SARDH: variants seen among roughly 807,000 people sequenced by gnomAD.
The protein encoded by SARDH is sarcosine dehydrogenase, also known as sarcosine dehydrogenase, mitochondrial.
SARDH carries 95 observed loss-of-function variants against 109.1 expected under a neutral mutation model. The ratio of observed to expected loss-of-function variants is 0.87; its 90% CI spans 0.74 to 1.03. SARDH has a LOEUF of 1.03. Ranked by LOEUF, SARDH falls within the 50% of genes least tolerant of loss-of-function variation. SARDH has a pLI of 0.00. For synonymous variants in SARDH, 572 were observed against 534.8 expected (o/e 1.07, Z -0.96); for missense variants, 1,267 against 1,287.8 (o/e 0.98, Z 0.25).
At chr9:133,708,160 T>G in intron 11 of SARDH, 127 bp downstream of exon 11, 1 of 1,125,966 alleles carries the variant, frequency 8.9e-7, no homozygotes, top group Middle Eastern at 2.6e-4. Flanking sequence ...ACCTGGGGAA[T>G]GACAGACACC....
chr9:133,722,642 GCTCTCT>G (rs56179331), intron 6 of SARDH, among the ~76,000 whole-genome samples: 6,753 of 145,768 alleles, frequency 0.046, 193 homozygotes, highest in Admixed American at 0.067. Flanking sequence ...AACTACTAGC[GCTCTCT>G]CTCTCTCTCT....
chr9:133,723,707 G>A (rs1284736318), intron 6 of SARDH, among the ~76,000 whole-genome samples: 1 of 152,198 alleles, frequency 6.6e-6, no homozygotes, highest in East Asian at 1.9e-4. Flanking sequence ...AGCTTGCAGT[G>A]AGCAGAGATC....
chr9:133,669,516 G>A (rs1008502809), intron 19 of SARDH, among the ~76,000 whole-genome samples: 8 of 151,596 alleles, frequency 5.3e-5, no homozygotes, highest in Admixed American at 3.3e-4. Flanking sequence ...TCTGATCAGG[G>A]CCTGATCTTC....
rs145683974 is a variant in SARDH, at chr9:133,721,980, G to A, written c.916-2938C>T. Reference sequence around the variant, plus strand: ...AAAATACAAAAATCAGCTGGGTGTCGTGGCACATGCCTGTAATCCCAGCTA... The same window carrying A: ...AAAATACAAAAATCAGCTGGGTGTCATGGCACATGCCTGTAATCCCAGCTA... On this transcript the variant is annotated intron_variant, in intron 6 of 20. Coordinates refer to ENST00000439388, the MANE Select transcript of SARDH (RefSeq NM_001134707.2). Among the ~76,000 whole-genome samples the A allele has an allele frequency of 9.0e-3, 1,371 of 152,240 alleles. 18 individuals are homozygous for A. Among genetic ancestry groups the A allele is most frequent in the African/African-American group, 0.031 (1,274 of 41,544 alleles).
intron 1 of SARDH, 106 bp from the exon 2 acceptor site, chr9:133,734,309 C>T: frequency 1.7e-6 from 1 of 578,586 alleles, no homozygotes; most frequent in Non-Finnish European, 2.7e-6. Context: ...CCAGGGCCTT[C>T]CTCTTGCCAC....
chr9:133,671,273 T>G (rs1272459462), intron 18 of SARDH, among the ~76,000 whole-genome samples: 1 of 152,062 alleles, frequency 6.6e-6, no homozygotes, highest in Non-Finnish European at 1.5e-5. Context: ...ACCTCAGCTC[T>G]CTGAGTTCAG....
chr9:133,725,674 T>C (rs1012590952), intron 6 of SARDH: 5 of 233,184 alleles, frequency 2.1e-5, no homozygotes, highest in African/African-American at 6.9e-5. Context: ...AAACTCTGTC[T>C]CAAAAAAAAC....
At chr9:133,683,044 G>A (rs571360743) in intron 17 of SARDH, among the ~76,000 whole-genome samples, 26 of 152,342 alleles carry the variant, frequency 1.7e-4, no homozygotes, top group African/African-American at 5.1e-4. Context: ...CCCCCACGCT[G>A]TGTTTGGCCT....
chr9:133,659,698 C>A (rs1470807111), downstream of SARDH, among the ~76,000 whole-genome samples: 1 of 152,174 alleles, frequency 6.6e-6, no homozygotes, highest in Non-Finnish European at 1.5e-5. Context: ...AGTCACGAGC[C>A]CAGGAGCTCT....
intron 1 of SARDH, among the ~76,000 whole-genome samples, chr9:133,735,743 G>A (rs556800564): frequency 7.2e-5 from 11 of 152,228 alleles, no homozygotes; most frequent in African/African-American, 1.7e-4. Context: ...CCTCGGTGGA[G>A]ATTTTAAGAT....
At chr9:133,662,899 G>A (rs769697974), downstream of SARDH, among the ~76,000 whole-genome samples, 1 of 152,222 alleles carries the variant, frequency 6.6e-6, no homozygotes, top group African/African-American at 2.4e-5. This position sits in a 1 kb window ranked among gnomAD's most constrained non-coding sequence, Gnocchi z 5.1. Flanking sequence ...GGACAGAGAT[G>A]CACACCCCTC....
chr9:133,709,222 C>A lies in SARDH; in HGVS notation c.1329-794G>T, dbSNP rs951726471. On this transcript the variant is annotated intron_variant, in intron 10 of 20. Coordinates refer to ENST00000439388, the MANE Select transcript of SARDH (RefSeq NM_001134707.2). This position sits in a 1 kb window ranked among gnomAD's most constrained non-coding sequence, Gnocchi z 4.2. ...GAACCCGGCGGGCCCCATGCTATTT[C>A]TCATGGAGCTACGGAGCTCTGTGGC... Among the ~76,000 whole-genome samples the A allele has an allele frequency of 1.3e-5, 2 of 152,188 alleles. No individual in the cohort carries two copies. The highest frequency in any genetic ancestry group is 1.3e-4 in the Admixed American group (2 of 15,288).
rs186824886 is a variant in SARDH, at chr9:133,721,370, A to T, written c.916-2328T>A. Among the ~76,000 whole-genome samples the T allele has an allele frequency of 4.0e-4, 61 of 152,362 alleles. 1 individual carries two copies. Among genetic ancestry groups the T allele is most frequent in the Admixed American group, 4.0e-3 (61 of 15,298 alleles). ...GAATTCTAGATCCTGTCAAGCCATC[A>T]ATCGAGTGTAAGCAAAGAATAAAAG... is the stretch of plus-strand genomic sequence containing the variant. On this transcript the variant is annotated intron_variant, in intron 6 of 20. Coordinates refer to ENST00000439388, the MANE Select transcript of SARDH (RefSeq NM_001134707.2).
At chr9:133,682,264 C>T (rs1273686353) in intron 17 of SARDH, among the ~76,000 whole-genome samples, 2 of 152,120 alleles carry the variant, frequency 1.3e-5, no homozygotes, top group African/African-American at 4.8e-5. Flanking sequence ...GGGGAACGTT[C>T]AAAGGAACAG....
intron 6 of SARDH, 125 bp downstream of exon 6, chr9:133,729,640 G>A (rs1832604602): frequency 1.4e-6 from 1 of 722,196 alleles, no homozygotes. Context: ...CACAGATGAG[G>A]TGACTGAGGC....
At chr9:133,716,264 G>A (rs1056113540) in intron 8 of SARDH, among the ~76,000 whole-genome samples, 2 of 152,228 alleles carry the variant, frequency 1.3e-5, no homozygotes, top group Non-Finnish European at 2.9e-5. Flanking sequence ...CCAGAAGGAG[G>A]GCGCTGGCCC....
At chr9:133,730,969 A>G (rs1175736166) in intron 4 of SARDH, among the ~76,000 whole-genome samples, 1 of 152,214 alleles carries the variant, frequency 6.6e-6, no homozygotes, top group Non-Finnish European at 1.5e-5. Context: ...AGAGCGAGAT[A>G]CTGTCTCAAA....
chr9:133,680,543 A>C (rs560039012), intron 17 of SARDH, among the ~76,000 whole-genome samples: 1 of 152,354 alleles, frequency 6.6e-6, no homozygotes, highest in Non-Finnish European at 1.5e-5. Context: ...ATTGACACTA[A>C]GGGCCCAGAA....
At chr9:133,675,881 A>G (rs1830493857) in intron 17 of SARDH, among the ~76,000 whole-genome samples, 1 of 152,126 alleles carries the variant, frequency 6.6e-6, no homozygotes, top group African/African-American at 2.4e-5. Flanking sequence ...GCTTGAGCCC[A>G]GGAGTCTGAG....
Sources: allele counts gnomAD v4.1 joint callset (sites outside exome capture counted in the v4.1 genomes callset), GRCh38; gene constraint gnomAD v4.1.1; non-coding constraint Gnocchi (gnomAD v3.1); transcripts MANE v1.5; gene names NCBI Gene and HGNC (gene_info 2026-07-23, HGNC 2026-07-21).